The following OSBPL9 variants were observed in gnomAD, a reference collection of about 807,000 sequenced individuals.
OSBPL9 encodes the protein oxysterol-binding protein-related protein 9.
In OSBPL9, 40 loss-of-function variants were observed where a neutral mutation model predicts 106.6. The observed-to-expected ratio is 0.38, with a 90% confidence interval of 0.29 to 0.49. OSBPL9 has a LOEUF of 0.49. Among genes scored for constraint, OSBPL9 ranks in the 20% least tolerant of loss-of-function variants. OSBPL9 has a pLI of 0.97. For missense variants in OSBPL9, 609 were observed against 887.2 expected, an observed-to-expected ratio of 0.69 and a Z score of 3.98; for synonymous variants, 269 against 295.4, an observed-to-expected ratio of 0.91 and a Z score of 0.92.
At chr1:51,669,395 ATTGT>A (rs898512348) in intron 2 of OSBPL9, 35 bp from the exon 3 acceptor site, 5 of 1,567,820 alleles carry the variant, frequency 3.2e-6, no homozygotes, top group Non-Finnish European at 4.4e-6. Context: ...TGCTGATGTC[ATTGT>A]TTGCCTTATT....
At chr1:51,711,723 A>G (rs1482120620) in intron 3 of OSBPL9, among the ~76,000 whole-genome samples, 1 of 141,504 alleles carries the variant, frequency 7.1e-6, no homozygotes, top group Non-Finnish European at 1.5e-5. Context: ...GATGCTCCTC[A>G]CCTCCCAGAC....
At chr1:51,651,889 G>A in intron 1 of OSBPL9, 102 bp from the exon 2 acceptor site, 1 of 818,156 alleles carries the variant, frequency 1.2e-6, no homozygotes, top group Non-Finnish European at 2.0e-6. Flanking sequence ...CAGAAGGGAT[G>A]GGTATTACTG....
chr1:51,732,026 A>T (rs1664576330), intron 4 of OSBPL9, among the ~76,000 whole-genome samples: 1 of 152,210 alleles, frequency 6.6e-6, no homozygotes, highest in Non-Finnish European at 1.5e-5. Flanking sequence ...GAAATTTTTC[A>T]AATGTTTTTT....
chr1:51,595,048 A>AT (rs1645293139), intron 1 of OSBPL9, among the ~76,000 whole-genome samples: 1 of 151,980 alleles, frequency 6.6e-6, no homozygotes, highest in Non-Finnish European at 1.5e-5. Flanking sequence ...TTCTACCTTG[A>AT]CCCAGGGGCG....
intron 14 of OSBPL9, among the ~76,000 whole-genome samples, chr1:51,774,963 G>C (rs1242990464): frequency 6.6e-6 from 1 of 152,022 alleles, no homozygotes; most frequent in Non-Finnish European, 1.5e-5. Context: ...TACTGGAGTA[G>C]TGATCTTCAT....
At chr1:51,715,327 G>A (rs1660833496) in intron 4 of OSBPL9, among the ~76,000 whole-genome samples, 1 of 152,228 alleles carries the variant, frequency 6.6e-6, no homozygotes, top group Admixed American at 6.5e-5. Context: ...AAAGCAATTT[G>A]TAATTCCTGT....
chr1:51,687,912 G>A lies in OSBPL9; in HGVS notation c.241+18400G>A, dbSNP rs190891796. Among the ~76,000 whole-genome samples, 4 of 152,332 alleles carry A rather than the reference G, an allele frequency of 2.6e-5. No individual in the cohort carries two copies. The South Asian group carries it at 8.3e-4, about 32-fold the overall frequency. ...AGAGAAGTGAGATTGGAGACAAGGA[G>A]CCTAGTGTGGAGCTTACTGCAGAGG... On this transcript the variant is annotated intron_variant, in intron 3 of 23. Transcript: ENST00000428468.
intron 3 of OSBPL9, among the ~76,000 whole-genome samples, chr1:51,672,609 G>C (rs1298843118): frequency 1.3e-5 from 2 of 151,968 alleles, no homozygotes; most frequent in East Asian, 3.9e-4. Flanking sequence ...CTCTTTTCTG[G>C]CTTTATTTTA....
At chr1:51,744,482 A>C (rs759988002) in intron 4 of OSBPL9, among the ~76,000 whole-genome samples, 3 of 152,254 alleles carry the variant, frequency 2.0e-5, no homozygotes, top group Non-Finnish European at 4.4e-5. Flanking sequence ...ATGATAAAGT[A>C]TACAAAGATC....
chr1:51,524,734 A>T, the OSBPL9 span, among the ~76,000 whole-genome samples: 1 of 152,206 alleles, frequency 6.6e-6, no homozygotes, highest in Non-Finnish European at 1.5e-5. Flanking sequence ...ATGTCCCCAA[A>T]GGCCATTGGC....
At chr1:51,644,887 A>G (rs1239199698) in intron 1 of OSBPL9, among the ~76,000 whole-genome samples, 2 of 152,138 alleles carry the variant, frequency 1.3e-5, no homozygotes, top group Non-Finnish European at 2.9e-5. Flanking sequence ...TCCTTTCCCA[A>G]CAATAACTTT....
chr1:51,748,222 A>C (rs1419561264), intron 6 of OSBPL9, 147 bp from the exon 7 acceptor site: 3 of 850,538 alleles, frequency 3.5e-6, no homozygotes, highest in Non-Finnish European at 4.9e-6. Context: ...AACAAAATAC[A>C]ACAAAAAGTA....
In OSBPL9 at chr1:51,648,042, C is replaced by T. The variant is rs547184781; in HGVS notation, c.112-3949C>T. Among the ~76,000 whole-genome samples the T allele has an allele frequency of 7.2e-5, 11 of 152,214 alleles. 1 individual carries two copies. In the South Asian group the frequency reaches 2.1e-3, roughly 29 times the overall value. ...AGTGGTCCTTTTTTAAGGTACCGGG[C>T]CTTGTAGCTGGAGGCAGAGAGAGTG... On this transcript the variant is annotated intron_variant, in intron 1 of 23. Coordinates refer to ENST00000428468, the MANE Select transcript of OSBPL9 (RefSeq NM_024586.6).
chr1:51,647,354 A>G (rs999216907), intron 1 of OSBPL9, among the ~76,000 whole-genome samples: 13 of 152,076 alleles, frequency 8.5e-5, no homozygotes, highest in Admixed American at 4.6e-4. Flanking sequence ...TTGTCCATCT[A>G]TATTAGAAAC....
Position 51,756,325 on chromosome 1 carries a change from G to A in OSBPL9, c.549G>A (p.Gln183=). ...TTTTAACATTTTTCCTTAAGGACCA[G>A]AGTAATGCGGAGAAGCACGCAGATG... The part of the protein sequence containing the change: ...CIVLLQIAKD[Q]SNAEKHADGM... Residue 183 remains glutamine, a synonymous_variant, in exon 9 of 24, where the codon CAG becomes CAA. Transcript: ENST00000428468. The A allele has an allele frequency of 6.2e-7, 1 of 1,612,850 alleles. No individual in the cohort carries two copies. The highest frequency in any genetic ancestry group is 2.2e-5 in the East Asian group (1 of 44,812).
upstream of OSBPL9, among the ~76,000 whole-genome samples, chr1:51,576,098 A>T (rs1359103043): frequency 6.6e-6 from 1 of 152,208 alleles, no homozygotes; most frequent in African/African-American, 2.4e-5. Flanking sequence ...ACTTACATTA[A>T]ATACATTTCT....
At chr1:51,596,200 A>G (rs1338733507) in intron 1 of OSBPL9, among the ~76,000 whole-genome samples, 1 of 148,734 alleles carries the variant, frequency 6.7e-6, no homozygotes, top group Non-Finnish European at 1.5e-5. Flanking sequence ...TAAATGTTGC[A>G]GTAAGCCAAG....
the OSBPL9 span, among the ~76,000 whole-genome samples, chr1:51,530,206 C>G: frequency 1.2e-5 from 1 of 85,074 alleles, no homozygotes; most frequent in Non-Finnish European, 2.6e-5. Flanking sequence ...AAAAAAAAAA[C>G]CTCTAAGAAG....
intron 11 of OSBPL9, among the ~76,000 whole-genome samples, chr1:51,765,092 C>G (rs375971820): frequency 6.2e-4 from 94 of 152,276 alleles, no homozygotes; most frequent in African/African-American, 2.2e-3. Flanking sequence ...TTTGTTCTTG[C>G]TTTACTAGTA....
Sources: allele counts gnomAD v4.1 joint callset (sites outside exome capture counted in the v4.1 genomes callset), GRCh38; gene constraint gnomAD v4.1.1; transcripts MANE v1.5; gene names NCBI Gene and HGNC (gene_info 2026-07-23, HGNC 2026-07-21).